Variants in CAST observed in about 807,000 individuals in gnomAD.
CAST encodes the protein MIR583 host.
In CAST, 76 loss-of-function variants were observed where a neutral mutation model predicts 119.6. The observed-to-expected ratio is 0.64, with a 90% CI of 0.53 to 0.77. CAST has a LOEUF of 0.77. Among genes scored for constraint, CAST ranks in the 30% least tolerant of loss-of-function variants. The pLI is 0.00. For missense variants in CAST, 953 were observed against 946.5 expected (o/e 1.01, Z -0.09); for synonymous variants, 319 against 331.6 (o/e 0.96, Z 0.41).
chr5:96,079,420 T>G, the CAST span, among the ~76,000 whole-genome samples: 552 of 152,338 alleles, frequency 3.6e-3, 3 homozygotes, highest in African/African-American at 0.013. Flanking sequence ...CTTGGGTGTT[T>G]GAAACCACTT....
chr5:96,662,464 C>A lies in CAST; in HGVS notation c.42C>A (p.Pro14=). 2 of 1,435,060 alleles carry A rather than the reference C, an allele frequency of 1.4e-6. No individual in the cohort carries two copies. The highest frequency in any genetic ancestry group is 9.1e-7 in the Non-Finnish European group (1 of 1,098,760). 88.9% of individuals were successfully genotyped at this position (1,435,060 alleles called of 1,614,324 possible). A position where few individuals can be genotyped will look rare whatever the true frequency, so the allele number is the denominator to read the frequency against. The change falls in exon 1 of 32, where the codon CCC becomes CCA. Residue 14 remains proline (P), a synonymous_variant. Transcript: ENST00000675179. ...PGQKPAASPR[P]RRAAAARRTH... is the part of the protein sequence containing the mutation. ...AGAAGCCCGCCGCCTCCCCGCGGCC[C>A]CGGCGAGCAGCCGCCGCCCGCCGCA... is the stretch of plus-strand genomic sequence containing the variant.
chr5:96,744,602 T>C (rs1483690224), intron 16 of CAST, among the ~76,000 whole-genome samples: 1 of 152,216 alleles, frequency 6.6e-6, no homozygotes, highest in Non-Finnish European at 1.5e-5. Flanking sequence ...TTTTCCTTTT[T>C]AATCATATAC....
the CAST span, among the ~76,000 whole-genome samples, chr5:96,280,945 G>A: frequency 6.6e-6 from 1 of 152,126 alleles, no homozygotes; most frequent in Non-Finnish European, 1.5e-5. Context: ...CCAGGGAAAT[G>A]TCTTGCAAGC....
the CAST span, among the ~76,000 whole-genome samples, chr5:96,511,550 C>T: frequency 1.3e-5 from 2 of 152,236 alleles, no homozygotes; most frequent in African/African-American, 4.8e-5. Flanking sequence ...GCCACCACCC[C>T]TCTCCTAACC....
At chr5:96,443,524 T>C in the CAST span, among the ~76,000 whole-genome samples, 3 of 152,250 alleles carry the variant, frequency 2.0e-5, no homozygotes, top group East Asian at 3.8e-4. Flanking sequence ...CCAATTTGGA[T>C]ACTATATCTG....
At chr5:96,481,109 GT>G in the CAST span, among the ~76,000 whole-genome samples, 41,463 of 145,896 alleles carry the variant, frequency 0.28, 6,942 homozygotes, top group African/African-American at 0.48. Flanking sequence ...CTCAATCAAA[GT>G]TTTTTTTTTT....
At position 96,534,714 on chromosome 5, in the gene CAST, G is replaced by GGAAGGAAGGAAGGAAGGAAGGAAGGAGA. The variant is rs1554066221; in HGVS notation, c.60+4836_60+4837insAGGAAGGAAGGAAGGAAGGAAGGAGAGA. ...AGGAAGGAAGGAAGGAAGGAAGGAA[G>GGAAGGAAGGAAGGAAGGAAGGAAGGAGA]GAGAGAGAGAGAGAGAGAGAGAGAG... On this transcript the variant is annotated intron_variant, in intron 1 of 11. Coordinates refer to the CAST transcript ENST00000505143. 2.9e-4 allele frequency among the ~76,000 whole-genome samples: 4 copies of GGAAGGAAGGAAGGAAGGAAGGAAGGAGA among 13,966 alleles called. 1 individual carries two copies. The highest frequency in any genetic ancestry group is 3.7e-4 in the African/African-American group (2 of 5,472). 9.2% of individuals were successfully genotyped at this position (13,966 alleles called of 152,430 possible).
At chr5:96,060,809 A>C in the CAST span, among the ~76,000 whole-genome samples, 7 of 152,156 alleles carry the variant, frequency 4.6e-5, no homozygotes, top group Non-Finnish European at 1.0e-4. Flanking sequence ...ATGTTAAAAT[A>C]CCATAGACTG....
the CAST span, among the ~76,000 whole-genome samples, chr5:96,068,627 GTATAA>G: frequency 1.3e-5 from 2 of 148,882 alleles, no homozygotes; most frequent in African/African-American, 2.5e-5. Flanking sequence ...GTGTGTGTGT[GTATAA>G]TATGTGTATG....
At chr5:96,525,152 C>G (rs1182111323), upstream of CAST, 3 of 152,202 alleles carry the variant, frequency 2.0e-5, no homozygotes, top group Non-Finnish European at 4.4e-5. Flanking sequence ...GAGAGCTGGT[C>G]ATTTCACTGA....
chr5:96,445,956 T>C, the CAST span, among the ~76,000 whole-genome samples: 1 of 152,160 alleles, frequency 6.6e-6, no homozygotes, highest in Non-Finnish European at 1.5e-5. Context: ...CAAGCAATCC[T>C]CACACTTCAG....
At chr5:96,035,066 TA>T in the CAST span, among the ~76,000 whole-genome samples, 2 of 69,000 alleles carry the variant, frequency 2.9e-5, no homozygotes, top group African/African-American at 5.5e-5. Flanking sequence ...TATATATATT[TA>T]AGTATATATA....
At chr5:96,044,380 C>G in the CAST span, among the ~76,000 whole-genome samples, 1 of 152,174 alleles carries the variant, frequency 6.6e-6, no homozygotes, top group African/African-American at 2.4e-5. Context: ...CCCCTTCCAC[C>G]ATATAAAGAC....
the CAST span, among the ~76,000 whole-genome samples, chr5:96,412,750 A>ATTTTT: frequency 4.7e-5 from 3 of 63,410 alleles, no homozygotes; most frequent in African/African-American, 2.4e-4. Context: ...GGCAGCTGTG[A>ATTTTT]TGTTTTTTTT....
At chr5:96,270,811 C>T in the CAST span, among the ~76,000 whole-genome samples, 1 of 151,822 alleles carries the variant, frequency 6.6e-6, no homozygotes. Flanking sequence ...CACCATGGCA[C>T]ACGTTTACCT....
chr5:96,642,532 A>T (rs915628045), intron 1 of CAST, among the ~76,000 whole-genome samples: 2 of 147,386 alleles, frequency 1.4e-5, no homozygotes, highest in Non-Finnish European at 3.0e-5. Context: ...TAAATAAAGC[A>T]CATATAGTTC....
intron 1 of CAST, among the ~76,000 whole-genome samples, chr5:96,619,746 T>C (rs752675550): frequency 1.3e-5 from 2 of 152,088 alleles, no homozygotes; most frequent in Admixed American, 1.3e-4. Flanking sequence ...TTAAGAAGGG[T>C]AACACTCACC....
chr5:96,374,070 T>C, the CAST span, among the ~76,000 whole-genome samples: 1 of 152,306 alleles, frequency 6.6e-6, no homozygotes, highest in East Asian at 1.9e-4. Context: ...GTAAAAACAT[T>C]AAGATTTGGC....
the CAST span, among the ~76,000 whole-genome samples, chr5:96,150,695 T>A: frequency 4.6e-5 from 7 of 151,780 alleles, no homozygotes; most frequent in East Asian, 1.2e-3. Flanking sequence ...AACTACGGAG[T>A]GAGGTGACTC....
Sources: allele counts gnomAD v4.1 joint callset (sites outside exome capture counted in the v4.1 genomes callset), GRCh38; gene constraint gnomAD v4.1.1; transcripts MANE v1.5; gene names NCBI Gene and HGNC (gene_info 2026-07-23, HGNC 2026-07-21).